HPCAL1: variants seen among roughly 807,000 people sequenced by gnomAD.
The protein encoded by HPCAL1 is hippocalcin-like protein 1.
HPCAL1 carries 8 observed loss-of-function variants against 17.1 expected under a neutral mutation model. The observed-to-expected ratio is 0.47, with a 90% CI of 0.27 to 0.84. HPCAL1 has a LOEUF of 0.84. Among genes scored for constraint, HPCAL1 ranks in the 40% least tolerant of loss-of-function variants. HPCAL1 has a pLI of 0.13. For missense variants in HPCAL1, 165 were observed against 271.1 expected, an observed-to-expected ratio of 0.61 and a Z score of 2.75; for synonymous variants, 112 against 111.4, an observed-to-expected ratio of 1.01 and a Z score of -0.03.
intron 1 of HPCAL1, among the ~76,000 whole-genome samples, chr2:10,311,756 C>G (rs1041463275): frequency 6.6e-6 from 1 of 152,060 alleles, no homozygotes; most frequent in Non-Finnish European, 1.5e-5. Context: ...TCCCCAAAAC[C>G]ATTATCACCA....
chr2:10,304,945 C>T lies in HPCAL1; in HGVS notation c.-111+1768C>T, dbSNP rs1234042976. 6.6e-6 allele frequency among the ~76,000 whole-genome samples: 1 copy of T among 152,134 alleles called. No individual in the cohort carries two copies. Among genetic ancestry groups the T allele is most frequent in the Non-Finnish European group, 1.5e-5 (1 of 68,022 alleles). ...TGTCAGGGGCTACGTGATGGTGTTC[C>T]CAGAGAGGCGGGCTGCTTTGCGGGC... On this transcript the variant is annotated intron_variant, in intron 1 of 4. Coordinates refer to ENST00000307845, the MANE Select transcript of HPCAL1 (RefSeq NM_002149.4). The surrounding 1 kb of genome is among the most constrained non-coding windows in gnomAD (Gnocchi z 4.1).
rs1666581430 is a variant in HPCAL1, at chr2:10,362,450, C to A, written c.-110-34385C>A. Among the ~76,000 whole-genome samples the A allele has an allele frequency of 6.6e-6, 1 of 152,086 alleles. No individual in the cohort carries two copies. Among genetic ancestry groups the A allele is most frequent in the Admixed American group, 6.5e-5 (1 of 15,270 alleles). Reference sequence around the variant, plus strand: ...TCCATGTCCTACTCCTGTGGATAGACCCCCCGGAATGCAGGGGGCCGGGCT... The same window carrying A: ...TCCATGTCCTACTCCTGTGGATAGAACCCCCGGAATGCAGGGGGCCGGGCT... On this transcript the variant is annotated intron_variant, in intron 1 of 4. Transcript: ENST00000307845. This position sits in a 1 kb window ranked among gnomAD's most constrained non-coding sequence, Gnocchi z 5.0.
chr2:10,384,628 G>A lies in HPCAL1; in HGVS notation c.-110-12207G>A, dbSNP rs1668192319. ...GTGCTATGAAAGCCAGCAGCTGGGAGTTTCAGGGGCTTCCCTAGGGAGGGA... is the reference window on the plus strand; with the variant it reads ...GTGCTATGAAAGCCAGCAGCTGGGAATTTCAGGGGCTTCCCTAGGGAGGGA... On this transcript the variant is annotated intron_variant, in intron 1 of 4. Transcript: ENST00000307845. This position sits in a 1 kb window ranked among gnomAD's most constrained non-coding sequence, Gnocchi z 4.4. Among the ~76,000 whole-genome samples the A allele has an allele frequency of 6.6e-6, 1 of 152,176 alleles. No homozygotes were observed. Among genetic ancestry groups the A allele is most frequent in the East Asian group, 1.9e-4 (1 of 5,180 alleles).
chr2:10,353,692 C>T (rs1399850074), intron 1 of HPCAL1, among the ~76,000 whole-genome samples: 1 of 152,252 alleles, frequency 6.6e-6, no homozygotes, highest in African/African-American at 2.4e-5. Context: ...CTCAGCCTCC[C>T]CAGGTAGCTG....
chr2:10,397,260 G>A (rs1669114119), intron 2 of HPCAL1, among the ~76,000 whole-genome samples: 1 of 152,108 alleles, frequency 6.6e-6, no homozygotes, highest in African/African-American at 2.4e-5. Context: ...CTTTGAGAAG[G>A]ACGTGTGGGT....
intron 1 of HPCAL1, among the ~76,000 whole-genome samples, chr2:10,358,159 C>G (rs1404588930): frequency 6.6e-6 from 1 of 152,248 alleles, no homozygotes; most frequent in East Asian, 1.9e-4. Context: ...TGGATGATTC[C>G]GGCCCCACTT....
At chr2:10,373,557 G>A (rs1374520573) in intron 1 of HPCAL1, among the ~76,000 whole-genome samples, 1 of 152,174 alleles carries the variant, frequency 6.6e-6, no homozygotes, top group African/African-American at 2.4e-5. Context: ...CAGACACAAT[G>A]TCCCCTGGGC....
chr2:10,348,726 C>G (rs1333405262), intron 1 of HPCAL1, among the ~76,000 whole-genome samples: 1 of 152,058 alleles, frequency 6.6e-6, no homozygotes, highest in Non-Finnish European at 1.5e-5. Context: ...CTGCAATGGG[C>G]TCTGATCCCA....
At chr2:10,386,799 T>C (rs1668342441) in intron 1 of HPCAL1, among the ~76,000 whole-genome samples, 1 of 152,086 alleles carries the variant, frequency 6.6e-6, no homozygotes. Flanking sequence ...CCCTTCCACC[T>C]CTCCATGGAC....
intron 1 of HPCAL1, among the ~76,000 whole-genome samples, chr2:10,349,702 CAAAAAAAAAAAAAAAAAAAAAAAA>C (rs55897775): frequency 1.5e-4 from 8 of 52,728 alleles, no homozygotes; most frequent in Admixed American, 2.1e-4. Context: ...GACTCTGTCT[CAAAAAAAAAAAAAAAAAAAAAAAA>C]AAAAAAAAAA....
Position 10,387,339 on chromosome 2 carries a change from G to T in HPCAL1, c.-110-9496G>T, listed in dbSNP as rs576684708. On this transcript the variant is annotated intron_variant, in intron 1 of 4. Transcript: ENST00000307845. ...AGTCCTGGAGGAAGGGTGACTGGCC[G>T]AGGGCCATGCGGTGACGCACTGGGG... is the stretch of plus-strand genomic sequence containing the variant. Among the ~76,000 whole-genome samples the T allele has an allele frequency of 3.3e-5, 5 of 152,388 alleles. No individual in the cohort carries two copies. The South Asian group carries it at 8.3e-4, about 25-fold the overall frequency.
At chr2:10,324,816 GTTTTTT>G (rs3036350) in intron 1 of HPCAL1, among the ~76,000 whole-genome samples, 6 of 66,380 alleles carry the variant, frequency 9.0e-5, no homozygotes, top group South Asian at 9.0e-4. Context: ...TGGTTTTTGT[GTTTTTT>G]TTTTTTTTTT....
chr2:10,309,954 A>G (rs1662849019), intron 1 of HPCAL1, among the ~76,000 whole-genome samples: 1 of 152,216 alleles, frequency 6.6e-6, no homozygotes, highest in Non-Finnish European at 1.5e-5. Flanking sequence ...AAGAACCAAG[A>G]CATTCTTGAA....
At position 10,367,992 on chromosome 2, in the gene HPCAL1, GTGTA is replaced by G. The variant is rs1168251370; in HGVS notation, c.-110-28839_-110-28836del. On this transcript the variant is annotated intron_variant, in intron 1 of 4. Coordinates refer to ENST00000307845, the MANE Select transcript of HPCAL1 (RefSeq NM_002149.4). The surrounding 1 kb of genome is among the most constrained non-coding windows in gnomAD (Gnocchi z 4.4). Reference sequence around the variant, plus strand: ...CATGTGTGTATATACCTGTGTAGGTGTGTATGTGTGTACATGTGCATTGTAGATG... The same window carrying G: ...CATGTGTGTATATACCTGTGTAGGTGTGTGTGTACATGTGCATTGTAGATG... Among the ~76,000 whole-genome samples, 1 of 152,118 alleles carries G rather than the reference GTGTA, an allele frequency of 6.6e-6. No homozygotes were observed.
At chr2:10,405,268 C>T (rs1265054873) in intron 2 of HPCAL1, among the ~76,000 whole-genome samples, 1 of 152,236 alleles carries the variant, frequency 6.6e-6, no homozygotes, top group Non-Finnish European at 1.5e-5. Context: ...CTCATCCTGA[C>T]TGCAGGCCCC....
intron 1 of HPCAL1, among the ~76,000 whole-genome samples, chr2:10,382,299 G>A (rs1308249765): frequency 2.0e-5 from 3 of 152,194 alleles, no homozygotes; most frequent in Non-Finnish European, 4.4e-5. Context: ...GGGATGAGCA[G>A]GCAGAGCACA....
intron 1 of HPCAL1, among the ~76,000 whole-genome samples, chr2:10,393,282 A>G (rs893019713): frequency 3.9e-5 from 6 of 152,212 alleles, no homozygotes; most frequent in African/African-American, 1.4e-4. Flanking sequence ...TGGCTTAGAG[A>G]TAGAGCCAGG....
rs1296187671 is a variant in HPCAL1 at position 10,395,452 on chromosome 2, A to G, written c.-110-1383A>G. Among the ~76,000 whole-genome samples, 1 of 150,112 alleles carries G rather than the reference A, an allele frequency of 6.7e-6. No individual in the cohort carries two copies. Among genetic ancestry groups the G allele is most frequent in the Non-Finnish European group, 1.5e-5 (1 of 67,478 alleles). On this transcript the variant is annotated intron_variant, in intron 1 of 4. Coordinates refer to ENST00000307845, the MANE Select transcript of HPCAL1 (RefSeq NM_002149.4). The surrounding 1 kb of genome is among the most constrained non-coding windows in gnomAD (Gnocchi z 4.4). Reference sequence around the variant, plus strand: ...ACGATTTCCTGACCTTGTGGCGCTCACAGTCAGGGGGGTGGGTTGGTGGGT... The same window carrying G: ...ACGATTTCCTGACCTTGTGGCGCTCGCAGTCAGGGGGGTGGGTTGGTGGGT...
chr2:10,345,394 G>A (rs1665371071), intron 1 of HPCAL1, among the ~76,000 whole-genome samples: 1 of 152,064 alleles, frequency 6.6e-6, no homozygotes, highest in Admixed American at 6.6e-5. Context: ...ACTTCACAGT[G>A]CTGTTGTGTG....
Sources: gnomAD v4.1 joint callset for allele counts (sites outside exome capture counted in the v4.1 genomes callset) on GRCh38, gnomAD v4.1.1 for gene constraint, Gnocchi (gnomAD v3.1) non-coding constraint, MANE v1.5 for transcripts, NCBI Gene and HGNC (gene_info 2026-07-23, HGNC 2026-07-21) for gene names.